ZBTB40: variants seen among roughly 807,000 people sequenced by gnomAD.
ZBTB40 encodes the protein zinc finger and BTB domain containing 40, also known as zinc finger and BTB domain-containing protein 40.
Under a neutral mutation model 117.5 loss-of-function variants are expected in ZBTB40, and 60 were observed. That is an observed-to-expected ratio of 0.51 (90% CI 0.41 to 0.63). The LOEUF (loss-of-function observed/expected upper bound fraction) is 0.63, where lower values mean the gene tolerates loss of function less well. ZBTB40 is among the 30% of genes least tolerant of loss of function. ZBTB40 has a pLI of 0.00. For synonymous variants in ZBTB40, 525 were observed against 577.1 expected (o/e 0.91, Z 1.29); for missense variants, 1,287 against 1,498.5 (o/e 0.86, Z 2.33).
At chr1:22,486,450 G>A (rs1187874881) in intron 1 of ZBTB40, among the ~76,000 whole-genome samples, 1 of 152,232 alleles carries the variant, frequency 6.6e-6, no homozygotes, top group African/African-American at 2.4e-5. Flanking sequence ...GTTAAAAACA[G>A]AGTGCTCTGG....
At chr1:22,506,843 T>C (rs548684193) in intron 6 of ZBTB40, among the ~76,000 whole-genome samples, 1 of 152,316 alleles carries the variant, frequency 6.6e-6, no homozygotes, top group Admixed American at 6.5e-5. Context: ...CAATTCCAAA[T>C]ATAAGGAAGA....
chr1:22,436,594 A>G (rs1321319671), intron 1 of ZBTB40, among the ~76,000 whole-genome samples: 1 of 152,232 alleles, frequency 6.6e-6, no homozygotes, highest in Non-Finnish European at 1.5e-5. Flanking sequence ...ACACAAATTC[A>G]TACATTCACA....
At chr1:22,441,336 C>T (rs1640729132) in intron 1 of ZBTB40, among the ~76,000 whole-genome samples, 1 of 151,948 alleles carries the variant, frequency 6.6e-6, no homozygotes, top group Non-Finnish European at 1.5e-5. Flanking sequence ...CTTGAGTCTC[C>T]TCTTTTATTC....
At chr1:22,442,769 C>G (rs1640747946) in intron 1 of ZBTB40, among the ~76,000 whole-genome samples, 1 of 152,150 alleles carries the variant, frequency 6.6e-6, no homozygotes, top group South Asian at 2.1e-4. Context: ...CTAACAAGAT[C>G]TAGTTGGTTT....
intron 10 of ZBTB40, 95 bp downstream of exon 10, chr1:22,511,442 A>G (rs1443383534): frequency 2.9e-5 from 44 of 1,514,768 alleles, no homozygotes; most frequent in Non-Finnish European, 4.5e-6. Context: ...GTTTATCACA[A>G]CCTTAAGTTA....
Position 22,508,455 on chromosome 1 carries a change from T to C in ZBTB40, c.1498-75T>C, listed in dbSNP as rs1375795586. The C allele has an allele frequency of 3.2e-6, 5 of 1,551,726 alleles. No homozygotes were observed. The East Asian group carries it at 1.1e-4, about 35-fold the overall frequency. Reference sequence around the variant, plus strand: ...CAAACATATTCACTGTAACCCAATATCTAGACTTGCAGCTCTGCAGCTGGG... The same window carrying C: ...CAAACATATTCACTGTAACCCAATACCTAGACTTGCAGCTCTGCAGCTGGG... On this transcript the variant is annotated intron_variant, in intron 7 of 17. Transcript: ENST00000375647.
intron 9 of ZBTB40, among the ~76,000 whole-genome samples, chr1:22,510,211 T>A (rs1457675626): frequency 6.6e-6 from 1 of 152,188 alleles, no homozygotes; most frequent in East Asian, 1.9e-4. Flanking sequence ...TCAAATGTAG[T>A]GCCCTTTTGA....
At chr1:22,448,235 GATCT>G (rs1476379951), upstream of ZBTB40, among the ~76,000 whole-genome samples, 3 of 152,146 alleles carry the variant, frequency 2.0e-5, no homozygotes, top group Non-Finnish European at 4.4e-5. Flanking sequence ...TATGTCAATC[GATCT>G]ATCTCTCTTG....
chr1:22,502,165 A>C, intron 4 of ZBTB40, 134 bp from the exon 5 acceptor site: 1 of 1,028,874 alleles, frequency 9.7e-7, no homozygotes, highest in East Asian at 2.6e-5. Flanking sequence ...TGTAAAAGCG[A>C]TTCTGCATTC....
At chr1:22,465,518 C>T (rs369591742) in intron 1 of ZBTB40, among the ~76,000 whole-genome samples, 11 of 152,166 alleles carry the variant, frequency 7.2e-5, no homozygotes, top group Admixed American at 3.3e-4. Context: ...GCCTTCAGGC[C>T]CCTGCCTGGC....
intron 1 of ZBTB40, among the ~76,000 whole-genome samples, chr1:22,445,265 C>A (rs1187056186): frequency 6.6e-6 from 1 of 152,160 alleles, no homozygotes; most frequent in East Asian, 1.9e-4. Context: ...GGAACAGGGA[C>A]AAACCCAACT....
chr1:22,431,147 C>T (rs1250679569), intron 1 of ZBTB40, among the ~76,000 whole-genome samples: 1 of 145,840 alleles, frequency 6.9e-6, no homozygotes, highest in Non-Finnish European at 1.5e-5. Flanking sequence ...ACCTGCTTTG[C>T]CTTGTAAAGA....
In ZBTB40 at chr1:22,520,319, C is replaced by G; in HGVS notation, c.3048+44C>G. The G allele has an allele frequency of 3.9e-6, 6 of 1,522,360 alleles. No homozygotes were observed. In the South Asian group the frequency reaches 6.7e-5, roughly 17 times the overall value. 94.3% of individuals were successfully genotyped at this position (1,522,360 alleles called of 1,614,324 possible). A position where few individuals can be genotyped will look rare whatever the true frequency, so the allele number is the denominator to read the frequency against. ...GGGAGCTCTTCCCCTCACCCCTGAC[C>G]TACTCTCCATTTGATCTTCCCTGAT... On this transcript the variant is annotated intron_variant, in intron 14 of 17. Coordinates refer to ENST00000375647, the MANE Select transcript of ZBTB40 (RefSeq NM_014870.4).
intron 1 of ZBTB40, among the ~76,000 whole-genome samples, chr1:22,479,109 GCATGTATAATAGTT>G (rs1641618998): frequency 6.6e-6 from 1 of 152,074 alleles, no homozygotes; most frequent in Non-Finnish European, 1.5e-5. Flanking sequence ...CTGTGTTCTT[GCATGTATAATAGTT>G]CAGTCTTCAT....
chr1:22,437,699 C>T (rs374188310), intron 1 of ZBTB40, among the ~76,000 whole-genome samples: 4 of 151,930 alleles, frequency 2.6e-5, no homozygotes, highest in Admixed American at 6.6e-5. Context: ...GGATTACAGG[C>T]GTGAGCCACT....
chr1:22,496,478 C>T (rs766731033), intron 3 of ZBTB40, among the ~76,000 whole-genome samples: 14 of 152,152 alleles, frequency 9.2e-5, no homozygotes, highest in Non-Finnish European at 1.3e-4. Context: ...AACCCATTCA[C>T]GTACCGCAAG....
chr1:22,480,360 C>T (rs556659959), intron 1 of ZBTB40, among the ~76,000 whole-genome samples: 32 of 152,216 alleles, frequency 2.1e-4, no homozygotes, highest in African/African-American at 3.6e-4. Context: ...TTTCAGCTTT[C>T]GGGGCATTGT....
chr1:22,429,067 A>G (rs1196694588), intron 1 of ZBTB40, among the ~76,000 whole-genome samples: 1 of 152,206 alleles, frequency 6.6e-6, no homozygotes, highest in Admixed American at 6.5e-5. Context: ...TGAAGTAGTC[A>G]AATCCAGATA....
chr1:22,446,327 GAAGA>G (rs914491414), intron 1 of ZBTB40, among the ~76,000 whole-genome samples: 13 of 151,876 alleles, frequency 8.6e-5, no homozygotes, highest in South Asian at 4.1e-4. Context: ...AATGTCAGAA[GAAGA>G]AAGAAAGAGA....
Sources: allele counts gnomAD v4.1 joint callset (sites outside exome capture counted in the v4.1 genomes callset), GRCh38; gene constraint gnomAD v4.1.1; transcripts MANE v1.5; gene names NCBI Gene and HGNC (gene_info 2026-07-23, HGNC 2026-07-21).